Variants in ZNF841 observed in about 807,000 individuals in gnomAD.
ZNF841 encodes TCONS_00006091.
In ZNF841, 11 loss-of-function variants were observed where a neutral mutation model predicts 13.0. The ratio of observed to expected loss-of-function variants is 0.85; its 90% CI spans 0.53 to 1.40. ZNF841 has a LOEUF of 1.40. ZNF841 is among the 40% of genes most tolerant of loss of function. ZNF841 has a pLI of 0.00. For synonymous variants in ZNF841, 369 were observed against 381.6 expected, an observed-to-expected ratio of 0.97 and a Z score of 0.38; for missense variants, 1,068 against 1,139.5, an observed-to-expected ratio of 0.94 and a Z score of 0.90.
At chr19:52,075,716 CAGG>C (rs1263361327) in intron 6 of ZNF841, among the ~76,000 whole-genome samples, 1 of 152,160 alleles carries the variant, frequency 6.6e-6, no homozygotes, top group Non-Finnish European at 1.5e-5. Context: ...GAATCAAGAA[CAGG>C]AGGAGAGACC....
At chr19:52,078,453 AC>A (rs1413322479) in intron 4 of ZNF841, among the ~76,000 whole-genome samples, 1 of 152,156 alleles carries the variant, frequency 6.6e-6, no homozygotes, top group African/African-American at 2.4e-5. Flanking sequence ...TAATCCCAGC[AC>A]TTTGGGAGGC....
intron 4 of ZNF841, among the ~76,000 whole-genome samples, chr19:52,082,808 C>T (rs7251243): frequency 0.053 from 8,003 of 152,206 alleles, 675 homozygotes; most frequent in African/African-American, 0.18. Context: ...AGGCTGGGCA[C>T]GGTGGCTGAC....
At chr19:52,080,065 A>G (rs1600095424) in intron 4 of ZNF841, among the ~76,000 whole-genome samples, 1 of 152,130 alleles carries the variant, frequency 6.6e-6, no homozygotes, top group African/African-American at 2.4e-5. Flanking sequence ...ATACAAGCTA[A>G]CAATGCTAAC....
chr19:52,061,947 A>T (rs2087407293), downstream of ZNF841, among the ~76,000 whole-genome samples: 1 of 152,122 alleles, frequency 6.6e-6, no homozygotes, highest in Non-Finnish European at 1.5e-5. Context: ...CCAGGAGCAA[A>T]CACTGGGGAC....
intron 2 of ZNF841, among the ~76,000 whole-genome samples, chr19:52,092,220 T>A (rs2123393562): frequency 6.6e-6 from 1 of 152,300 alleles, no homozygotes; most frequent in East Asian, 1.9e-4. Flanking sequence ...ATTTGTAAGA[T>A]GGAAGTATGT....
intron 2 of ZNF841, among the ~76,000 whole-genome samples, chr19:52,091,615 G>A (rs2088500266): frequency 6.6e-6 from 1 of 152,000 alleles, no homozygotes; most frequent in South Asian, 2.1e-4. Context: ...AATCCTGTCG[G>A]GAAAACTGTA....
At chr19:52,076,797 G>A in intron 5 of ZNF841, 161 bp downstream of exon 5, 1 of 758,356 alleles carries the variant, frequency 1.3e-6, no homozygotes, top group South Asian at 1.8e-5. Context: ...ATAGAAATGG[G>A]ACAGTTAAAG....
Position 52,066,593 on chromosome 19 carries a change from G to GTATA in ZNF841, c.1285_1288dup (p.Thr430IlefsTer4), listed in dbSNP as rs1568535431. ...AAAGACCTTGCCACATACATCACAT[G>GTATA]TATATGGTTTCTTTCCTGCATGGAT... On this transcript the variant is annotated frameshift_variant, in exon 7 of 7. Transcript: ENST00000594440. LOFTEE classifies it low-confidence loss of function (END_TRUNC). The GTATA allele has an allele frequency of 6.2e-7, 1 of 1,613,298 alleles. No homozygotes were observed. The highest frequency in any genetic ancestry group is 8.5e-7 in the Non-Finnish European group (1 of 1,179,726).
rs1387210082 is a variant in ZNF841 at position 52,066,757 on chromosome 19, AC to A, written c.1124del (p.Cys375LeufsTer47). The A allele has an allele frequency of 6.2e-7, 1 of 1,613,260 alleles. No homozygotes were observed. On this transcript the variant is annotated frameshift_variant, in exon 7 of 7. Transcript: ENST00000594440. LOFTEE classifies it low-confidence loss of function (END_TRUNC). The stretch of plus-strand genomic sequence containing the variant: ...GACTAAAGCACTTCCCACATCGATT[AC>A]ATTTGTAAGGTTTCTCTCCAGTATG... Reference protein sequence around the residue: ...RIHTGEKPYKCNRCGKCFSQS... With the variant: ...RIHTGEKPYKXNRCGKCFSQS...
rs754657063 is a variant in ZNF841, at chr19:52,066,308, C to A, written c.1574G>T (p.Gly525Val). Residue 525 changes from glycine to valine, a missense_variant, in exon 7 of 7, where the codon GGC (glycine) becomes GTC (valine). By Grantham distance (109) the Gly-to-Val change is moderately radical. Transcript: ENST00000594440. Reference sequence around the variant, plus strand: ...TCTCTGATGTACAGTTAGTAATGAGCCCCAATTAAAGGCTTTGCCACATTC... The same window carrying A: ...TCTCTGATGTACAGTTAGTAATGAGACCCAATTAAAGGCTTTGCCACATTC... ...CNECGKAFNW[G>V]SLLTVHQRIH... 7 of 1,613,372 alleles carry A rather than the reference C, an allele frequency of 4.3e-6. No individual in the cohort carries two copies. The African/African-American group carries it at 9.4e-5, about 22-fold the overall frequency.
chr19:52,067,367 T>G lies in ZNF841; in HGVS notation c.515A>C (p.Gln172Pro), dbSNP rs1327731728. 1.0e-5 allele frequency: 16 copies of G among 1,549,532 alleles called. No homozygotes were observed. Among genetic ancestry groups the G allele is most frequent in the Non-Finnish European group, 1.4e-5 (16 of 1,146,224 alleles). ...NLTGQRVRHS[Q>P]GDVENKHMEN... ...CATATGCTTGTTTTCTACGTCCCCT[T>G]GACTATGTCGAACTCTTTGACCAGT... Residue 172 changes from glutamine (Q) to proline (P), a missense_variant, in exon 7 of 7, where the codon CAA (glutamine) becomes CCA (proline). By Grantham distance (76) the Gln-to-Pro change is moderately conservative (BLOSUM62 -1). Transcript: ENST00000594440.
chr19:52,091,693 T>C (rs527915243), intron 2 of ZNF841, among the ~76,000 whole-genome samples: 2 of 152,182 alleles, frequency 1.3e-5, no homozygotes, highest in African/African-American at 2.4e-5. Context: ...AAACTCAAAA[T>C]AGATTAAAGA....
intron 2 of ZNF841, among the ~76,000 whole-genome samples, chr19:52,092,214 G>C (rs564348596): frequency 1.2e-4 from 18 of 152,308 alleles, no homozygotes; most frequent in African/African-American, 3.6e-4. Context: ...AAAGCAATTT[G>C]TAAGATGGAA....
At chr19:52,078,613 G>C (rs907808054) in intron 4 of ZNF841, among the ~76,000 whole-genome samples, 1 of 150,338 alleles carries the variant, frequency 6.7e-6, no homozygotes, top group African/African-American at 2.4e-5. Flanking sequence ...GCAGGAGAAT[G>C]GCATGAACCC....
chr19:52,059,771 T>C (rs752278952), downstream of ZNF841, among the ~76,000 whole-genome samples: 8 of 152,154 alleles, frequency 5.3e-5, no homozygotes, highest in Non-Finnish European at 1.0e-4. Flanking sequence ...GCTAAATTGA[T>C]GGGAAAACCC....
intron 1 of ZNF841, among the ~76,000 whole-genome samples, chr19:52,094,377 T>C (rs530391061): frequency 2.0e-5 from 3 of 150,508 alleles, no homozygotes; most frequent in South Asian, 2.1e-4. Context: ...TTCACGGCTA[T>C]GTGTTTCCCT....
downstream of ZNF841, among the ~76,000 whole-genome samples, chr19:52,062,776 A>G (rs760622900): frequency 6.6e-5 from 10 of 151,298 alleles, no homozygotes; most frequent in Non-Finnish European, 1.2e-4. Context: ...TCTTGTGGTT[A>G]TTTTACCGTA....
chr19:52,095,286 G>A (rs2088630762), intron 1 of ZNF841, among the ~76,000 whole-genome samples: 1 of 152,196 alleles, frequency 6.6e-6, no homozygotes, highest in African/African-American at 2.4e-5. Context: ...TCTCACGACA[G>A]GGAGGGTCTG....
chr19:52,061,600 G>A (rs936845355), downstream of ZNF841, among the ~76,000 whole-genome samples: 6 of 152,064 alleles, frequency 3.9e-5, no homozygotes, highest in African/African-American at 7.2e-5. Context: ...AGGCTGGAGT[G>A]CAATGGCTTG....
Sources: allele counts gnomAD v4.1 joint callset (sites outside exome capture counted in the v4.1 genomes callset), GRCh38; gene constraint gnomAD v4.1.1; transcripts MANE v1.5; gene names NCBI Gene and HGNC (gene_info 2026-07-23, HGNC 2026-07-21).